The following PCDHGA9 variants were observed in gnomAD, a reference collection of about 807,000 sequenced individuals.
PCDHGA9 encodes protocadherin gamma subfamily A, 9, also known as protocadherin gamma-A9.
In PCDHGA9, 37 loss-of-function variants were observed where a neutral mutation model predicts 62.5. The ratio of observed to expected loss-of-function variants is 0.59; its 90% CI spans 0.46 to 0.78. The LOEUF (loss-of-function observed/expected upper bound fraction) is 0.78. Among genes scored for constraint, PCDHGA9 ranks in the 30% least tolerant of loss-of-function variants. The pLI is 0.00. For synonymous variants in PCDHGA9, 459 were observed against 484.6 expected (o/e 0.95, Z 0.69); for missense variants, 1,138 against 1,166.2 (o/e 0.98, Z 0.35).
In PCDHGA9 at chr5:141,431,746, G is replaced by C. The variant is rs780453684; in HGVS notation, c.2424+26370G>C. 6.2e-7 allele frequency: 1 copy of C among 1,614,062 alleles called. No individual in the cohort carries two copies. Among genetic ancestry groups the C allele is most frequent in the African/African-American group, 1.3e-5 (1 of 74,932 alleles). On this transcript the variant is annotated intron_variant, in intron 1 of 3. Transcript: ENST00000573521. The surrounding 1 kb of genome is among the most constrained non-coding windows in gnomAD (Gnocchi z 4.8). ...CAATGGATAATGCAGGATATTCTGC[G>C]CGAGCCAAAGTCCTGATCACTGTTC... is the stretch of plus-strand genomic sequence containing the variant.
Position 141,404,150 on chromosome 5 carries a change from G to T in PCDHGA9, c.1198G>T (p.Asp400Tyr). 1 of 1,612,828 alleles carries T rather than the reference G, an allele frequency of 6.2e-7. No homozygotes were observed. The highest frequency in any genetic ancestry group is 1.1e-5 in the South Asian group (1 of 90,942). The change falls in exon 1 of 4, where the codon GAT (aspartate) becomes TAT (tyrosine). Residue 400 changes from aspartate (D) to tyrosine (Y), a missense_variant. Physicochemically the swap from Asp to Tyr is radical, Grantham distance 160 (BLOSUM62 -3). Transcript: ENST00000573521. ...LSFTLENSEE[D>Y]YYRLLTAQIL... is the part of the protein sequence containing the mutation. Reference sequence around the variant, plus strand: ...TTTTACATTAGAAAATTCAGAAGAAGATTATTACAGATTGTTGACGGCCCA... The same window carrying T: ...TTTTACATTAGAAAATTCAGAAGAATATTATTACAGATTGTTGACGGCCCA...
At chr5:141,510,682 GA>G (rs1303501817) in intron 3 of PCDHGA9, among the ~76,000 whole-genome samples, 6 of 152,154 alleles carry the variant, frequency 3.9e-5, no homozygotes, top group Non-Finnish European at 8.8e-5. Flanking sequence ...GTGGCATAAG[GA>G]GGTTAGGTAG....
chr5:141,429,698 A>G (rs1436698608), intron 1 of PCDHGA9, among the ~76,000 whole-genome samples: 2 of 152,228 alleles, frequency 1.3e-5, no homozygotes, highest in Admixed American at 6.5e-5. Flanking sequence ...ATATCTTTAC[A>G]GTATAAATAT....
At chr5:141,465,905 G>C (rs938438286) in intron 1 of PCDHGA9, among the ~76,000 whole-genome samples, 8 of 151,958 alleles carry the variant, frequency 5.3e-5, no homozygotes, top group Non-Finnish European at 8.8e-5. Context: ...GGCAAATCAC[G>C]AGGTCAGGAT....
chr5:141,404,170 G>T lies in PCDHGA9; in HGVS notation c.1218G>T (p.Thr406=). 1 of 1,612,740 alleles carries T rather than the reference G, an allele frequency of 6.2e-7. No homozygotes were observed. The highest frequency in any genetic ancestry group is 8.5e-7 in the Non-Finnish European group (1 of 1,179,364). The part of the protein sequence containing the change: ...NSEEDYYRLL[T]AQILDREKAS... Reference sequence around the variant, plus strand: ...AAGAAGATTATTACAGATTGTTGACGGCCCAAATTCTTGACCGAGAAAAAG... The same window carrying T: ...AAGAAGATTATTACAGATTGTTGACTGCCCAAATTCTTGACCGAGAAAAAG... Residue 406 remains threonine (T), a synonymous_variant, in exon 1 of 4, where the codon ACG becomes ACT. Transcript: ENST00000573521.
At chr5:141,441,386 G>A (rs2098243752) in intron 1 of PCDHGA9, 1 of 153,358 alleles carries the variant, frequency 6.5e-6, no homozygotes, top group African/African-American at 2.4e-5. Flanking sequence ...ACAGACCCAA[G>A]GTATAACATC....
chr5:141,418,579 A>G (rs1561774780), intron 1 of PCDHGA9: 1 of 1,614,000 alleles, frequency 6.2e-7, no homozygotes, highest in Admixed American at 1.7e-5. Flanking sequence ...ACAACCCCCC[A>G]GTGTTCAGCC....
At chr5:141,480,584 G>A (rs1421730652) in intron 1 of PCDHGA9, among the ~76,000 whole-genome samples, 1 of 134,606 alleles carries the variant, frequency 7.4e-6, no homozygotes, top group Non-Finnish European at 1.6e-5. Context: ...AATAACTGCC[G>A]CTCTTCTGGT....
In PCDHGA9 at chr5:141,432,002, G is replaced by T; in HGVS notation, c.2424+26626G>T. The T allele has an allele frequency of 6.2e-7, 1 of 1,614,186 alleles. No homozygotes were observed. The highest frequency in any genetic ancestry group is 1.1e-5 in the South Asian group (1 of 91,090). ...AGACATAGTCTTGGATAGGGAACAGGTTCCTAGCTACAACATCACAGTGAC... is the reference window on the plus strand; with the variant it reads ...AGACATAGTCTTGGATAGGGAACAGTTTCCTAGCTACAACATCACAGTGAC... On this transcript the variant is annotated intron_variant, in intron 1 of 3. Coordinates refer to ENST00000573521, the MANE Select transcript of PCDHGA9 (RefSeq NM_018921.3). The surrounding 1 kb of genome is among the most constrained non-coding windows in gnomAD (Gnocchi z 6.0).
chr5:141,444,341 T>C (rs909401337), intron 1 of PCDHGA9, among the ~76,000 whole-genome samples: 2 of 151,892 alleles, frequency 1.3e-5, no homozygotes, highest in African/African-American at 4.8e-5. Context: ...CCAGCTAATT[T>C]TGTATTTTTA....
intron 1 of PCDHGA9, chr5:141,405,588 G>T: frequency 1.7e-6 from 1 of 584,820 alleles, no homozygotes; most frequent in Non-Finnish European, 3.0e-6. Flanking sequence ...GGGACTACAG[G>T]CCTCCCAAGT....
chr5:141,438,623 TATATATATATATACACAC>T (rs1435936123), intron 1 of PCDHGA9, among the ~76,000 whole-genome samples: 532 of 42,826 alleles, frequency 0.012, 5 homozygotes, highest in African/African-American at 0.075. Flanking sequence ...TATATATATA[TATATATATATATACACAC>T]ACACACACAC....
intron 1 of PCDHGA9, chr5:141,418,849 G>T (rs1479117344): frequency 1.5e-5 from 25 of 1,613,886 alleles, no homozygotes; most frequent in Non-Finnish European, 1.8e-5. Context: ...TCTCAACACG[G>T]TGTAAAGTAA....
Position 141,487,858 on chromosome 5 carries a change from G to C in PCDHGA9, c.2425-6949G>C, listed in dbSNP as rs575288726. Reference sequence around the variant, plus strand: ...ATCTGAGTAAGAAATGAAAGTAATTGGTGATCAAGAGCCAGGCTGTTGTGG... The same window carrying C: ...ATCTGAGTAAGAAATGAAAGTAATTCGTGATCAAGAGCCAGGCTGTTGTGG... On this transcript the variant is annotated intron_variant, in intron 1 of 3. Transcript: ENST00000573521. The surrounding 1 kb of genome is among the most constrained non-coding windows in gnomAD (Gnocchi z 5.0). The C allele has an allele frequency of 3.8e-5, 36 of 953,250 alleles. No individual in the cohort carries two copies. The Middle Eastern group carries it at 1.3e-3, about 35-fold the overall frequency. 59.0% of individuals were successfully genotyped at this position (953,250 alleles called of 1,614,324 possible). A position where few individuals can be genotyped will look rare whatever the true frequency, so the allele number is the denominator to read the frequency against.
chr5:141,497,412 A>G (rs963440048), intron 2 of PCDHGA9, among the ~76,000 whole-genome samples: 13 of 151,982 alleles, frequency 8.6e-5, no homozygotes, highest in African/African-American at 3.1e-4. Flanking sequence ...CTCCCATTCC[A>G]TCAAATGAGA....
intron 1 of PCDHGA9, chr5:141,409,788 C>T (rs1224847553): frequency 3.1e-6 from 5 of 1,612,138 alleles, no homozygotes; most frequent in Admixed American, 1.7e-5. Flanking sequence ...CGCGCCTTCG[C>T]GCTCACGCTG....
At chr5:141,410,258 G>C in intron 1 of PCDHGA9, 1 of 1,614,022 alleles carries the variant, frequency 6.2e-7, no homozygotes, top group Non-Finnish European at 8.5e-7. Context: ...TGACCCCCAG[G>C]CTGAACTGCA....
At chr5:141,497,499 C>G (rs1217418941) in intron 2 of PCDHGA9, among the ~76,000 whole-genome samples, 3 of 151,416 alleles carry the variant, frequency 2.0e-5, no homozygotes, top group Non-Finnish European at 4.4e-5. Context: ...TCTCTCTCCT[C>G]TCTCTGCTTC....
intron 1 of PCDHGA9, chr5:141,422,432 A>T: frequency 6.2e-7 from 1 of 1,609,448 alleles, no homozygotes; most frequent in South Asian, 1.1e-5. Context: ...TATGGAAATT[A>T]TTACAAATTG....
Sources: allele counts gnomAD v4.1 joint callset (sites outside exome capture counted in the v4.1 genomes callset), GRCh38; gene constraint gnomAD v4.1.1; non-coding constraint Gnocchi (gnomAD v3.1); transcripts MANE v1.5; gene names NCBI Gene and HGNC (gene_info 2026-07-23, HGNC 2026-07-21).